The following PPP2R2B variants were observed in gnomAD, a reference collection of about 807,000 sequenced individuals.
PPP2R2B encodes the protein serine/threonine-protein phosphatase 2A 55 kDa regulatory subunit B beta isoform.
PPP2R2B carries 5 observed loss-of-function variants against 46.0 expected under a neutral mutation model. The observed-to-expected ratio is 0.11, with a 90% confidence interval of 0.06 to 0.23. PPP2R2B has a LOEUF of 0.23. Ranked by LOEUF, PPP2R2B falls within the 10% of genes least tolerant of loss-of-function variation. PPP2R2B has a pLI of 1.00. For synonymous variants in PPP2R2B, 215 were observed against 206.7 expected (o/e 1.04, Z -0.34); for missense variants, 367 against 575.0 (o/e 0.64, Z 3.70).
chr5:146,947,298 T>A (rs1764513912), intron 1 of PPP2R2B, among the ~76,000 whole-genome samples: 1 of 152,190 alleles, frequency 6.6e-6, no homozygotes, highest in Admixed American at 6.5e-5. Flanking sequence ...TACCTGCATG[T>A]GCTTTGCGCC....
At chr5:146,977,467 T>C (rs2151852550) in intron 1 of PPP2R2B, among the ~76,000 whole-genome samples, 1 of 152,182 alleles carries the variant, frequency 6.6e-6, no homozygotes, top group Non-Finnish European at 1.5e-5. Flanking sequence ...TTGTGGTTTG[T>C]TGCACCCATC....
Position 146,629,298 on chromosome 5 carries a change from T to A in PPP2R2B, c.790+8953A>T, listed in dbSNP as rs78093813. On this transcript the variant is annotated intron_variant, in intron 7 of 9. Coordinates refer to ENST00000394411, the MANE Select transcript of PPP2R2B (RefSeq NM_181675.4). ...TCCCCAGTCTCCTCGTTTCAGTGTATGGTACCGTACAGTAACTCAAGCACC... is the reference window on the plus strand; with the variant it reads ...TCCCCAGTCTCCTCGTTTCAGTGTAAGGTACCGTACAGTAACTCAAGCACC... Among the ~76,000 whole-genome samples, 386 of 152,302 alleles carry A rather than the reference T, an allele frequency of 2.5e-3. 3 individuals carry two copies. Among genetic ancestry groups the A allele is most frequent in the African/African-American group, 9.2e-3 (381 of 41,550 alleles).
chr5:146,603,852 A>G (rs1191180860), intron 7 of PPP2R2B, among the ~76,000 whole-genome samples: 1 of 152,206 alleles, frequency 6.6e-6, no homozygotes, highest in Non-Finnish European at 1.5e-5. Flanking sequence ...CCAGGGACAC[A>G]CTGAGATAGA....
At chr5:146,707,913 T>C (rs1180192081) in intron 2 of PPP2R2B, among the ~76,000 whole-genome samples, 2 of 152,216 alleles carry the variant, frequency 1.3e-5, no homozygotes, top group Non-Finnish European at 2.9e-5. Flanking sequence ...CTTATGGTCT[T>C]TTTCTAAATC....
chr5:147,080,759 A>G (rs1757946877), intron 2 of PPP2R2B, among the ~76,000 whole-genome samples: 1 of 152,198 alleles, frequency 6.6e-6, no homozygotes, highest in Non-Finnish European at 1.5e-5. Context: ...GTCTGGACTC[A>G]GAATTCTACA....
At chr5:146,865,704 T>C (rs1487529024) in intron 2 of PPP2R2B, among the ~76,000 whole-genome samples, 1 of 152,222 alleles carries the variant, frequency 6.6e-6, no homozygotes, top group Non-Finnish European at 1.5e-5. Flanking sequence ...GTGTGAGGAC[T>C]CTAATGAGCT....
At position 146,584,867 on chromosome 5, in the gene PPP2R2B, C is replaced by T. The variant is rs1770063040; in HGVS notation, c.*5080G>A. 6.6e-6 allele frequency: 1 copy of T among 152,082 alleles called. No homozygotes were observed. Among genetic ancestry groups the T allele is most frequent in the Non-Finnish European group, 1.5e-5 (1 of 68,016 alleles). 9.4% of individuals were successfully genotyped at this position (152,082 alleles called of 1,614,324 possible). A position where few individuals can be genotyped will look rare whatever the true frequency, so the allele number is the denominator to read the frequency against. On this transcript the variant is annotated 3_prime_UTR_variant, in exon 10 of 10. Coordinates refer to ENST00000394411, the MANE Select transcript of PPP2R2B (RefSeq NM_181675.4). ...CTGTTTCCATGCCATATGGATTTTG[C>T]TTCATATTCTGGTATATGTTGGTCT...
At chr5:146,675,475 C>T (rs1224351301) in intron 5 of PPP2R2B, among the ~76,000 whole-genome samples, 2 of 151,810 alleles carry the variant, frequency 1.3e-5, no homozygotes, top group Admixed American at 1.3e-4. Flanking sequence ...AGATTTTTGC[C>T]CAGTGAATGA....
chr5:146,845,959 G>T (rs956589095), intron 2 of PPP2R2B, among the ~76,000 whole-genome samples: 1 of 152,166 alleles, frequency 6.6e-6, no homozygotes, highest in Non-Finnish European at 1.5e-5. Context: ...AATTCAATGT[G>T]CTGTAAGAGT....
At chr5:147,057,450 G>A (rs371436084), upstream of PPP2R2B, among the ~76,000 whole-genome samples, 174 of 152,316 alleles carry the variant, frequency 1.1e-3, no homozygotes, top group African/African-American at 4.1e-3. Context: ...AGCAGTGAGG[G>A]AGTAGAAGGA....
At chr5:146,789,119 T>A (rs993422556) in intron 2 of PPP2R2B, among the ~76,000 whole-genome samples, 4 of 152,192 alleles carry the variant, frequency 2.6e-5, no homozygotes, top group Non-Finnish European at 5.9e-5. Context: ...TTGAGATCAC[T>A]GTGAGGCTTT....
chr5:146,759,192 C>T (rs1379094641), intron 2 of PPP2R2B, among the ~76,000 whole-genome samples: 1 of 152,100 alleles, frequency 6.6e-6, no homozygotes, highest in Non-Finnish European at 1.5e-5. Flanking sequence ...CTTGCTATTG[C>T]ATTGTTCCAG....
At chr5:146,615,528 AAAG>A (rs1319700392) in intron 7 of PPP2R2B, among the ~76,000 whole-genome samples, 3 of 147,578 alleles carry the variant, frequency 2.0e-5, no homozygotes, top group African/African-American at 5.0e-5. Context: ...AAAAAAAAAA[AAAG>A]AAAAAAAAAA....
chr5:146,883,051 A>G (rs146457450), upstream of PPP2R2B, among the ~76,000 whole-genome samples: 7 of 152,306 alleles, frequency 4.6e-5, no homozygotes, highest in African/African-American at 1.4e-4. Context: ...CAATTAGCAC[A>G]TTAAATATCT....
At chr5:147,005,570 T>C (rs1754398581) in intron 1 of PPP2R2B, among the ~76,000 whole-genome samples, 1 of 152,078 alleles carries the variant, frequency 6.6e-6, no homozygotes, top group South Asian at 2.1e-4. Flanking sequence ...GGTGGCAGTC[T>C]TATACTGCTG....
intron 2 of PPP2R2B, among the ~76,000 whole-genome samples, chr5:146,842,956 A>G (rs761680144): frequency 2.1e-4 from 32 of 152,380 alleles, no homozygotes; most frequent in Non-Finnish European, 3.7e-4. Flanking sequence ...TGGGAGGCCG[A>G]GGCGGGTGGA....
intron 5 of PPP2R2B, among the ~76,000 whole-genome samples, chr5:146,689,803 T>C (rs959314873): frequency 6.6e-5 from 10 of 152,154 alleles, no homozygotes; most frequent in African/African-American, 2.4e-4. Flanking sequence ...TAAGGTGGAC[T>C]TACATGGAGG....
At position 146,878,745 on chromosome 5, in the gene PPP2R2B, TG is replaced by T; in HGVS notation, c.-280del. 1 of 1,334,164 alleles carries T rather than the reference TG, an allele frequency of 7.5e-7. No individual in the cohort carries two copies. 82.6% of individuals were successfully genotyped at this position (1,334,164 alleles called of 1,614,324 possible). ...CACTCGCAGCTGCTGCTGCTGCTGC[TG>T]CTGCTGCTGCTGCAGGAGGCTGGAG... On this transcript the variant is annotated 5_prime_UTR_variant, in exon 1 of 10. Coordinates refer to ENST00000394411, the MANE Select transcript of PPP2R2B (RefSeq NM_181675.4). This position sits in a 1 kb window ranked among gnomAD's most constrained non-coding sequence, Gnocchi z 4.5.
In PPP2R2B at chr5:146,901,212, A is replaced by G. The variant is rs560353962; in HGVS notation, c.79+154453T>C. Among the ~76,000 whole-genome samples, 7 of 152,310 alleles carry G rather than the reference A, an allele frequency of 4.6e-5. No homozygotes were observed. In the South Asian group the frequency reaches 1.4e-3, roughly 32 times the overall value. Reference sequence around the variant, plus strand: ...ATTGGTGCTAACATAAAATATCTGTACAAATAAATTCAAACAGTGGCTCAC... The same window carrying G: ...ATTGGTGCTAACATAAAATATCTGTGCAAATAAATTCAAACAGTGGCTCAC... On this transcript the variant is annotated intron_variant, in intron 1 of 8. Transcript: ENST00000336640.
Sources: gnomAD v4.1 joint callset for allele counts (sites outside exome capture counted in the v4.1 genomes callset) on GRCh38, gnomAD v4.1.1 for gene constraint, Gnocchi (gnomAD v3.1) non-coding constraint, MANE v1.5 for transcripts, NCBI Gene and HGNC (gene_info 2026-07-23, HGNC 2026-07-21) for gene names.